HEMK2: variants seen among roughly 807,000 people sequenced by gnomAD.
HEMK2 encodes methyltransferase HEMK2.
At chr21:28,839,459 T>C in the HEMK2 span, among the ~76,000 whole-genome samples, 3 of 152,218 alleles carry the variant, frequency 2.0e-5, no homozygotes, top group East Asian at 5.8e-4. Context: ...TATGATTGAT[T>C]ACCTTGAAAA....
the HEMK2 span, among the ~76,000 whole-genome samples, chr21:28,640,579 T>C: frequency 3.9e-5 from 6 of 152,296 alleles, no homozygotes; most frequent in East Asian, 1.2e-3. Context: ...CAAATTAAGG[T>C]ATCTCTGAAA....
chr21:28,589,903 A>C, the HEMK2 span, among the ~76,000 whole-genome samples: 1 of 152,214 alleles, frequency 6.6e-6, no homozygotes, highest in Non-Finnish European at 1.5e-5. Context: ...ACTCAGGTGC[A>C]TAACACACAG....
At chr21:28,615,534 A>C in the HEMK2 span, among the ~76,000 whole-genome samples, 1 of 152,146 alleles carries the variant, frequency 6.6e-6, no homozygotes, top group Non-Finnish European at 1.5e-5. Context: ...AGGACCAAAA[A>C]GTCAGGAATG....
the HEMK2 span, among the ~76,000 whole-genome samples, chr21:28,768,038 G>A: frequency 1.6e-4 from 25 of 152,010 alleles, no homozygotes; most frequent in Non-Finnish European, 1.8e-4. Flanking sequence ...AAGGAATCAG[G>A]GTGTCGGGAA....
chr21:28,648,258 C>A, the HEMK2 span, among the ~76,000 whole-genome samples: 1 of 152,178 alleles, frequency 6.6e-6, no homozygotes, highest in African/African-American at 2.4e-5. Context: ...TGAAATAAAG[C>A]ATTTGACCCA....
the HEMK2 span, among the ~76,000 whole-genome samples, chr21:28,764,101 C>T: frequency 5.3e-5 from 8 of 152,220 alleles, no homozygotes; most frequent in African/African-American, 1.7e-4. Flanking sequence ...ACTCACCTCC[C>T]TACTCCCTGC....
At chr21:28,674,798 T>C in the HEMK2 span, 1 of 97,024 alleles carries the variant, frequency 1.0e-5, no homozygotes, top group Non-Finnish European at 1.8e-5. Context: ...CAGTATATAG[T>C]GGAGGCCCTG....
At chr21:28,630,042 A>G in the HEMK2 span, among the ~76,000 whole-genome samples, 1 of 152,210 alleles carries the variant, frequency 6.6e-6, no homozygotes, top group Admixed American at 6.5e-5. Context: ...ACAATTTGTA[A>G]TCAAGTATAT....
chr21:28,631,307 T>G, the HEMK2 span, among the ~76,000 whole-genome samples: 2 of 152,222 alleles, frequency 1.3e-5, no homozygotes, highest in Non-Finnish European at 1.5e-5. Context: ...GGAAATTCTT[T>G]AGCAAATGTG....
the HEMK2 span, chr21:28,873,516 T>C: frequency 6.6e-6 from 1 of 152,250 alleles, no homozygotes. Context: ...GGTACTTACC[T>C]GGTGGTGACC....
the HEMK2 span, among the ~76,000 whole-genome samples, chr21:28,618,638 T>C: frequency 2.6e-5 from 4 of 152,184 alleles, no homozygotes; most frequent in South Asian, 2.1e-4. Flanking sequence ...ATTGATATCG[T>C]TGAAAAACAA....
chr21:28,607,342 CAG>C, the HEMK2 span, among the ~76,000 whole-genome samples: 4 of 152,052 alleles, frequency 2.6e-5, no homozygotes, highest in African/African-American at 9.7e-5. Context: ...ACCTGAGAGT[CAG>C]AGGTTGCAGT....
the HEMK2 span, among the ~76,000 whole-genome samples, chr21:28,657,014 C>A: frequency 6.6e-6 from 1 of 152,038 alleles, no homozygotes; most frequent in African/African-American, 2.4e-5. Context: ...TTATCAATAT[C>A]TATTTTAAGT....
At chr21:28,793,848 T>C in the HEMK2 span, among the ~76,000 whole-genome samples, 1 of 151,766 alleles carries the variant, frequency 6.6e-6, no homozygotes, top group Non-Finnish European at 1.5e-5. Flanking sequence ...ACAGCAGAGA[T>C]TGGAATTAAT....
At chr21:28,879,638 G>A in the HEMK2 span, among the ~76,000 whole-genome samples, 2 of 152,116 alleles carry the variant, frequency 1.3e-5, no homozygotes, top group African/African-American at 2.4e-5. Flanking sequence ...TAAATACCAT[G>A]GCCTGATATG....
chr21:28,706,691 C>T, the HEMK2 span, among the ~76,000 whole-genome samples: 1 of 152,134 alleles, frequency 6.6e-6, no homozygotes, highest in Admixed American at 6.6e-5. Context: ...GCAGAAAAAG[C>T]AACGCTTGTA....
At chr21:28,808,472 T>C in the HEMK2 span, among the ~76,000 whole-genome samples, 1 of 151,908 alleles carries the variant, frequency 6.6e-6, no homozygotes, top group Admixed American at 6.6e-5. Context: ...GTAGATCAAT[T>C]TGATGAGAAA....
chr21:28,652,391 T>A, the HEMK2 span, among the ~76,000 whole-genome samples: 1 of 152,102 alleles, frequency 6.6e-6, no homozygotes, highest in Admixed American at 6.6e-5. Context: ...TTATAGTTTC[T>A]TCCTTTTCTT....
At chr21:28,639,195 T>C in the HEMK2 span, among the ~76,000 whole-genome samples, 3 of 152,192 alleles carry the variant, frequency 2.0e-5, no homozygotes, top group African/African-American at 4.8e-5. Flanking sequence ...AATTTCATGA[T>C]TGACTAGATC....
Sources: gnomAD v4.1 joint callset for allele counts (sites outside exome capture counted in the v4.1 genomes callset) on GRCh38, gnomAD v4.1.1 for gene constraint, MANE v1.5 for transcripts, NCBI Gene and HGNC (gene_info 2026-07-23, HGNC 2026-07-21) for gene names.